Variants in ANKRD28 observed in about 807,000 individuals in gnomAD.
ANKRD28 encodes the protein serine/threonine-protein phosphatase 6 regulatory ankyrin repeat subunit A.
Under a neutral mutation model 126.5 loss-of-function variants are expected in ANKRD28, and 44 were observed. The ratio of observed to expected loss-of-function variants is 0.35; its 90% CI spans 0.27 to 0.45. The LOEUF (loss-of-function observed/expected upper bound fraction) is 0.45, where lower values mean the gene tolerates loss of function less well. ANKRD28 is among the 20% of genes least tolerant of loss of function. The pLI is 1.00. For synonymous variants in ANKRD28, 442 were observed against 468.5 expected, an observed-to-expected ratio of 0.94 and a Z score of 0.73; for missense variants, 1,110 against 1,316.6, an observed-to-expected ratio of 0.84 and a Z score of 2.43.
At chr3:15,724,048 C>A (rs1186834070) in intron 7 of ANKRD28, among the ~76,000 whole-genome samples, 2 of 152,170 alleles carry the variant, frequency 1.3e-5, no homozygotes, top group Non-Finnish European at 2.9e-5. Context: ...GCAAAGAAGA[C>A]TAACAATAAC....
At chr3:15,799,241 T>C (rs899318560), upstream of ANKRD28, among the ~76,000 whole-genome samples, 1 of 151,902 alleles carries the variant, frequency 6.6e-6, no homozygotes, top group African/African-American at 2.4e-5. Flanking sequence ...CAAAGGAATA[T>C]ACTATTTATT....
chr3:15,742,230 G>C (rs1407001941), intron 4 of ANKRD28, among the ~76,000 whole-genome samples: 3 of 150,198 alleles, frequency 2.0e-5, no homozygotes, highest in South Asian at 4.2e-4. Flanking sequence ...CCTCTGCCTG[G>C]CTACCCAGTC....
rs111699587 is a variant in ANKRD28 at position 15,753,060 on chromosome 3, T to C, written c.281-1240A>G. On this transcript the variant is annotated intron_variant, in intron 3 of 27. Transcript: ENST00000683139. ...AATGTAGTAGTTGAGATGCTGAGAG[T>C]AGCTGAGTTCTCTGTGGGCAGTGGC... Among the ~76,000 whole-genome samples the C allele has an allele frequency of 2.1e-3, 320 of 152,118 alleles. 2 individuals carry two copies. The highest frequency in any genetic ancestry group is 0.01 in the Middle Eastern group (3 of 294).
chr3:15,721,540 T>C (rs1047290220), intron 7 of ANKRD28, among the ~76,000 whole-genome samples: 1 of 152,188 alleles, frequency 6.6e-6, no homozygotes, highest in African/African-American at 2.4e-5. Context: ...TTTTCATCTT[T>C]TTCATTTTGC....
Position 15,685,274 on chromosome 3 carries a change from T to C in ANKRD28, c.2341A>G (p.Thr781Ala), listed in dbSNP as rs1189255347. The change falls in exon 21 of 28, where the codon ACA becomes GCA. Residue 781 changes from threonine (T) to alanine (A), a missense_variant. Transcript: ENST00000683139. ...GCCGTATATCCATGATTGTCTGCTG[T>C]GGCTGGATTTGCATCCATAGATGCT... ...SAASMDANPA[T>A]ADNHGYTALH... 6.2e-7 allele frequency: 1 copy of C among 1,613,906 alleles called. No individual in the cohort carries two copies. The highest frequency in any genetic ancestry group is 1.3e-5 in the African/African-American group (1 of 74,924).
chr3:15,748,215 A>G lies in ANKRD28; in HGVS notation c.351+3535T>C, dbSNP rs140398790. 4.2e-3 allele frequency among the ~76,000 whole-genome samples: 643 copies of G among 152,320 alleles called. 4 individuals carry two copies. Among genetic ancestry groups the G allele is most frequent in the East Asian group, 0.019 (98 of 5,192 alleles). ...CAATGTTAGTATTGAGATGTGAGGT[A>G]CTATTCTATTCCTCATGCTATTTGT... is the stretch of plus-strand genomic sequence containing the variant. On this transcript the variant is annotated intron_variant, in intron 4 of 27. Transcript: ENST00000683139.
At chr3:15,741,964 C>G (rs62240810) in intron 4 of ANKRD28, among the ~76,000 whole-genome samples, 88,395 of 148,850 alleles carry the variant, frequency 0.59, 28,021 homozygotes, top group East Asian at 0.89. Context: ...GTCTCCAGCT[C>G]CTAACTGCGA....
Position 15,797,024 on chromosome 3 carries a change from T to C in ANKRD28, c.-503A>G. 11 of 985,246 alleles carry C rather than the reference T, an allele frequency of 1.1e-5. No individual in the cohort carries two copies. Among genetic ancestry groups the C allele is most frequent in the Non-Finnish European group, 1.3e-5 (11 of 829,840 alleles). 61.0% of individuals were successfully genotyped at this position (985,246 alleles called of 1,614,324 possible). ...TTACCAGTAGCTGTTTTGCTTATAA[T>C]TGAAAATAAAAAATAAAATCTCACT... is the stretch of plus-strand genomic sequence containing the variant. On this transcript the variant is annotated 5_prime_UTR_variant, in exon 1 of 28. Coordinates refer to ENST00000683139, the MANE Select transcript of ANKRD28 (RefSeq NM_001349278.2).
At chr3:15,676,020 TATGTGC>T (rs780772349) in intron 26 of ANKRD28, 31 bp from the exon 27 acceptor site, 1 of 1,575,256 alleles carries the variant, frequency 6.3e-7, no homozygotes. Flanking sequence ...CATGTACACA[TATGTGC>T]ATGTGCATGC....
At chr3:15,677,703 A>G in intron 24 of ANKRD28, 141 bp from the exon 25 acceptor site, 1 of 528,456 alleles carries the variant, frequency 1.9e-6, no homozygotes, top group Non-Finnish European at 3.4e-6. Flanking sequence ...ATTGTAATAT[A>G]TAACATATAT....
In ANKRD28 at chr3:15,843,772, TAAAAAA is replaced by T. The variant is rs35843528; in HGVS notation, c.27+15599_27+15604del. Among the ~76,000 whole-genome samples, 2 of 146,500 alleles carry T rather than the reference TAAAAAA, an allele frequency of 1.4e-5. No homozygotes were observed. Among genetic ancestry groups the T allele is most frequent in the Non-Finnish European group, 3.0e-5 (2 of 65,822 alleles). On this transcript the variant is annotated intron_variant, in intron 1 of 27. Transcript: ENST00000399451. This position sits in a 1 kb window ranked among gnomAD's most constrained non-coding sequence, Gnocchi z 5.2. ...GTAGGCCAGTTTGAGCCAAAAATAATAAAAAAAAAAAAGAGGCAGAAATCAAAATGT... is the reference window on the plus strand; with the variant it reads ...GTAGGCCAGTTTGAGCCAAAAATAATAAAAAAGAGGCAGAAATCAAAATGT...
intron 6 of ANKRD28, among the ~76,000 whole-genome samples, chr3:15,726,754 A>G (rs2074201311): frequency 6.6e-6 from 1 of 152,234 alleles, no homozygotes; most frequent in African/African-American, 2.4e-5. Flanking sequence ...AGATGCCATC[A>G]AGGACTTTCG....
At chr3:15,809,684 C>G (rs1425138088) in intron 1 of ANKRD28, among the ~76,000 whole-genome samples, 1 of 152,158 alleles carries the variant, frequency 6.6e-6, no homozygotes, top group Non-Finnish European at 1.5e-5. Context: ...AGTAAATATA[C>G]TTTTGCATTT....
rs746341670 is a variant in ANKRD28, at chr3:15,816,388, T to A, written c.28-21082A>T. ...CATGAAACTTACACAAAATCTCTCA[T>A]GTATTTCCTTTTCCCTGATTTGTAA... On this transcript the variant is annotated intron_variant, in intron 1 of 27. Transcript: ENST00000399451. The surrounding 1 kb of genome is among the most constrained non-coding windows in gnomAD (Gnocchi z 5.0). Among the ~76,000 whole-genome samples, 2 of 152,200 alleles carry A rather than the reference T, an allele frequency of 1.3e-5. No homozygotes were observed. The highest frequency in any genetic ancestry group is 2.4e-5 in the African/African-American group (1 of 41,456).
intron 8 of ANKRD28, among the ~76,000 whole-genome samples, chr3:15,716,503 T>C (rs2073068055): frequency 6.6e-6 from 1 of 152,056 alleles, no homozygotes; most frequent in Non-Finnish European, 1.5e-5. Context: ...AGGCTGGTTT[T>C]GAACTCTTGG....
intron 2 of ANKRD28, among the ~76,000 whole-genome samples, chr3:15,767,700 T>TAAAAAAAAAAAAAAAAAAAAAAAAAACA (rs2058808727): frequency 1.6e-5 from 1 of 64,360 alleles, no homozygotes; most frequent in Non-Finnish European, 2.9e-5. Flanking sequence ...TAGTCTCTAC[T>TAAAAAAAAAAAAAAAAAAAAAAAAAACA]AAAAAAAAAA....
rs1345074546 is a variant in ANKRD28 at position 15,812,891 on chromosome 3, C to T, written c.28-17585G>A. ...AGATTTCATAAAGAATTCAGAATTT[C>T]TAAAAGGAACATGAATCCTGAATGT... is the stretch of plus-strand genomic sequence containing the variant. On this transcript the variant is annotated intron_variant, in intron 1 of 27. Transcript: ENST00000399451. The surrounding 1 kb of genome is among the most constrained non-coding windows in gnomAD (Gnocchi z 4.1). Among the ~76,000 whole-genome samples, 3 of 152,060 alleles carry T rather than the reference C, an allele frequency of 2.0e-5. No homozygotes were observed. The highest frequency in any genetic ancestry group is 4.4e-5 in the Non-Finnish European group (3 of 68,016).
intron 1 of ANKRD28, among the ~76,000 whole-genome samples, chr3:15,856,161 T>C (rs2061760941): frequency 6.6e-6 from 1 of 152,122 alleles, no homozygotes; most frequent in South Asian, 2.1e-4. Flanking sequence ...GAGAGAGGTT[T>C]TGTCTAGCAA....
At position 15,854,198 on chromosome 3, in the gene ANKRD28, C is replaced by G. The variant is rs114057457; in HGVS notation, c.27+5179G>C. ...CCAGCTCAAACGTCCCATCACTTACCAATGAAGTCCAAACTTCTCAGCCTG... is the reference window on the plus strand; with the variant it reads ...CCAGCTCAAACGTCCCATCACTTACGAATGAAGTCCAAACTTCTCAGCCTG... On this transcript the variant is annotated intron_variant, in intron 1 of 27. Transcript: ENST00000399451. The surrounding 1 kb of genome is among the most constrained non-coding windows in gnomAD (Gnocchi z 4.1). Among the ~76,000 whole-genome samples, 3,833 of 152,276 alleles carry G rather than the reference C, an allele frequency of 0.025. 167 individuals are homozygous for G. The highest frequency in any genetic ancestry group is 0.086 in the African/African-American group (3,561 of 41,524).
Sources: gnomAD v4.1 joint callset for allele counts (sites outside exome capture counted in the v4.1 genomes callset) on GRCh38, gnomAD v4.1.1 for gene constraint, Gnocchi (gnomAD v3.1) non-coding constraint, MANE v1.5 for transcripts, NCBI Gene and HGNC (gene_info 2026-07-23, HGNC 2026-07-21) for gene names.